Variants in ARMC10 observed in about 807,000 individuals in gnomAD.
ARMC10 encodes armadillo repeat-containing protein 10.
ARMC10 carries 23 observed loss-of-function variants against 30.2 expected under a neutral mutation model. That is an observed-to-expected ratio of 0.76 (90% confidence interval 0.55 to 1.08). The LOEUF (loss-of-function observed/expected upper bound fraction) is 1.08, where lower values mean the gene tolerates loss of function less well. ARMC10 is among the 50% of genes least tolerant of loss of function. The pLI is 0.00. For missense variants in ARMC10, 303 were observed against 413.7 expected, an observed-to-expected ratio of 0.73 and a Z score of 2.32; for synonymous variants, 111 against 164.4, an observed-to-expected ratio of 0.68 and a Z score of 2.48.
At chr7:103,084,635 G>A (rs553648385) in intron 3 of ARMC10, among the ~76,000 whole-genome samples, 4 of 152,258 alleles carry the variant, frequency 2.6e-5, no homozygotes, top group South Asian at 2.1e-4. Context: ...TTGATTTCAG[G>A]CACAACTGAG....
chr7:103,098,856 A>G lies in ARMC10; in HGVS notation c.*303A>G, dbSNP rs1179467747. 1 of 163,020 alleles carries G rather than the reference A, an allele frequency of 6.1e-6. No homozygotes were observed. The highest frequency in any genetic ancestry group is 2.5e-5 in the African/African-American group (1 of 40,356). 10.1% of individuals were successfully genotyped at this position (163,020 alleles called of 1,614,324 possible). On this transcript the variant is annotated 3_prime_UTR_variant, in exon 7 of 7. Transcript: ENST00000323716. The stretch of plus-strand genomic sequence containing the variant: ...TTTAAGCTACCCTTCTACCTTTTGA[A>G]GTGATTTGCAGTTACTCATCTGAGA...
chr7:103,080,089 C>T (rs1800242761), intron 2 of ARMC10, among the ~76,000 whole-genome samples: 1 of 152,136 alleles, frequency 6.6e-6, no homozygotes, highest in African/African-American at 2.4e-5. Flanking sequence ...GTCTTGTTGG[C>T]ACAGAGCTAG....
At position 103,092,478 on chromosome 7, in the gene ARMC10, T is replaced by A. The variant is rs765500096; in HGVS notation, c.530T>A (p.Ile177Lys). 6 of 1,572,698 alleles carry A rather than the reference T, an allele frequency of 3.8e-6. No homozygotes were observed. Among genetic ancestry groups the A allele is most frequent in the Non-Finnish European group, 1.7e-6 (2 of 1,149,052 alleles). ...VNVENQIKIKIYISQVCEDVF... is the reference protein window; with the variant it reads ...VNVENQIKIKKYISQVCEDVF... ...CTCATTTTCCTCCCCTGCCTTCAGA[T>A]ATACATCAGTCAAGTATGTGAGGAT... The change falls in exon 5 of 7, where the codon ATA (isoleucine) becomes AAA (lysine). Residue 177 changes from isoleucine (I) to lysine (K), a missense_variant and splice_region_variant. By Grantham distance (102) the Ile-to-Lys change is moderately radical (BLOSUM62 -3). Transcript: ENST00000323716.
At position 103,075,244 on chromosome 7, in the gene ARMC10, C is replaced by G. The variant is rs1020688458; in HGVS notation, c.-29C>G. 10 of 1,167,392 alleles carry G rather than the reference C, an allele frequency of 8.6e-6. No homozygotes were observed. Among genetic ancestry groups the G allele is most frequent in the Non-Finnish European group, 1.1e-5 (10 of 946,740 alleles). The allele number at this position is 1,167,392 out of a possible 1,614,324, so 72.3% of individuals were successfully genotyped here. ...CCCCCGCGAGCCTCCTGCCCTGGCCCGGCGCTGCGGCTCTGCCGCGGCGGC... is the reference window on the plus strand; with the variant it reads ...CCCCCGCGAGCCTCCTGCCCTGGCCGGGCGCTGCGGCTCTGCCGCGGCGGC... On this transcript the variant is annotated 5_prime_UTR_variant, in exon 1 of 7. Transcript: ENST00000323716.
intron 2 of ARMC10, among the ~76,000 whole-genome samples, chr7:103,077,016 C>G (rs370760019): frequency 6.6e-6 from 1 of 152,100 alleles, no homozygotes; most frequent in African/African-American, 2.4e-5. Flanking sequence ...CCCACCTCAC[C>G]CCACTAAGTA....
At chr7:103,085,606 C>CTTTTTTTTTTTTTTT (rs10581217) in intron 3 of ARMC10, among the ~76,000 whole-genome samples, 10 of 130,586 alleles carry the variant, frequency 7.7e-5, no homozygotes, top group African/African-American at 2.8e-4. Flanking sequence ...CATTTCTCTT[C>CTTTTTTTTTTTTTTT]TTTTTTTTTT....
rs1554528755 is a variant in ARMC10 at position 103,095,946 on chromosome 7, A to AG, written c.706-1325dup. Reference sequence around the variant, plus strand: ...CTGGGGACTGTTGTGGGGTGGGGGGAGGGGGGAGGGATAGCATTGGGAGAT... The same window carrying AG: ...CTGGGGACTGTTGTGGGGTGGGGGGAGGGGGGGAGGGATAGCATTGGGAGAT... On this transcript the variant is annotated intron_variant, in intron 5 of 6. Coordinates refer to ENST00000323716, the MANE Select transcript of ARMC10 (RefSeq NM_031905.5). 3 of 115,452 alleles carry AG rather than the reference A, an allele frequency of 2.6e-5. No homozygotes were observed. The East Asian group carries it at 7.4e-4, about 28-fold the overall frequency. The allele number at this position is 115,452 out of a possible 1,614,324, so 7.2% of individuals were successfully genotyped here.
intron 5 of ARMC10, among the ~76,000 whole-genome samples, chr7:103,093,004 A>G (rs1801483327): frequency 6.6e-6 from 1 of 152,192 alleles, no homozygotes; most frequent in Admixed American, 6.5e-5. Flanking sequence ...TTATTTGTTG[A>G]AAAATATTTC....
At chr7:103,091,425 A>G (rs1801313893) in intron 4 of ARMC10, among the ~76,000 whole-genome samples, 1 of 152,204 alleles carries the variant, frequency 6.6e-6, no homozygotes, top group East Asian at 1.9e-4. Context: ...GTATGATACA[A>G]GAGTACTACA....
intron 5 of ARMC10, among the ~76,000 whole-genome samples, chr7:103,093,203 A>C (rs1801499560): frequency 6.6e-6 from 1 of 152,216 alleles, no homozygotes; most frequent in East Asian, 1.9e-4. Context: ...ATTCTTATCA[A>C]TTGCCATTTT....
chr7:103,086,507 A>T (rs1563323141), intron 3 of ARMC10, 123 bp from the exon 4 acceptor site: 1 of 1,048,878 alleles, frequency 9.5e-7, no homozygotes, highest in African/African-American at 1.7e-5. Flanking sequence ...ATATTTGTAT[A>T]TGGGAAAGAG....
At chr7:103,093,318 G>C (rs1801508592) in intron 5 of ARMC10, among the ~76,000 whole-genome samples, 1 of 152,168 alleles carries the variant, frequency 6.6e-6, no homozygotes, top group Admixed American at 6.5e-5. Context: ...TGTGTTCTCT[G>C]GAACAGTTGA....
intron 2 of ARMC10, among the ~76,000 whole-genome samples, chr7:103,078,282 T>C (rs1205623885): frequency 6.6e-6 from 1 of 152,176 alleles, no homozygotes; most frequent in Non-Finnish European, 1.5e-5. Context: ...CCAAATGTTA[T>C]CTTGAATTGT....
intron 3 of ARMC10, chr7:103,084,131 A>C: frequency 9.9e-7 from 1 of 1,005,180 alleles, no homozygotes; most frequent in Non-Finnish European, 1.4e-6. Context: ...GCAGTGCTTC[A>C]GTAAAACAAT....
rs1459758401 is a variant in ARMC10, at chr7:103,075,320, C to G, written c.48C>G (p.Leu16=). ...GCTGGGTGGCGGCGGGCCTGCTGCT[C>G]GGCGCGGGCGCCTGCTACTGCATTT... is the stretch of plus-strand genomic sequence containing the variant. ...GAGWVAAGLL[L]GAGACYCIYR... The change falls in exon 1 of 7, where the codon CTC becomes CTG. Residue 16 remains leucine (L), a synonymous_variant. Coordinates refer to ENST00000323716, the MANE Select transcript of ARMC10 (RefSeq NM_031905.5). 4.0e-6 allele frequency: 5 copies of G among 1,239,392 alleles called. No individual in the cohort carries two copies. The highest frequency in any genetic ancestry group is 4.2e-5 in the Admixed American group (1 of 23,868). The allele number at this position is 1,239,392 out of a possible 1,614,324, so 76.8% of individuals were successfully genotyped here. A position where few individuals can be genotyped will look rare whatever the true frequency, so the allele number is the denominator to read the frequency against.
Position 103,092,590 on chromosome 7 carries a change from C to T in ARMC10, c.642C>T (p.His214=), listed in dbSNP as rs140592173. The T allele has an allele frequency of 6.2e-6, 10 of 1,608,628 alleles. No homozygotes were observed. The highest frequency in any genetic ancestry group is 1.7e-5 in the Admixed American group (1 of 59,940). The change falls in exon 5 of 7, where the codon CAC becomes CAT. Residue 214 remains histidine (H), a synonymous_variant. Coordinates refer to ENST00000323716, the MANE Select transcript of ARMC10 (RefSeq NM_031905.5). ...TNMTVTNDHQ[H]MLHSYITDLF... is the part of the protein sequence containing the mutation. ...TGACTGTTACCAATGACCACCAGCA[C>T]ATGCTTCACAGTTACATTACAGACC...
In ARMC10 at chr7:103,099,155, G is replaced by C. The variant is rs1265175168; in HGVS notation, c.*602G>C. The C allele has an allele frequency of 6.9e-6, 1 of 144,334 alleles. No individual in the cohort carries two copies. The highest frequency in any genetic ancestry group is 1.5e-5 in the Non-Finnish European group (1 of 65,686). 8.9% of individuals were successfully genotyped at this position (144,334 alleles called of 1,614,324 possible). A position where few individuals can be genotyped will look rare whatever the true frequency, so the allele number is the denominator to read the frequency against. On this transcript the variant is annotated 3_prime_UTR_variant, in exon 7 of 7. Coordinates refer to ENST00000323716, the MANE Select transcript of ARMC10 (RefSeq NM_031905.5). ...TCACAATGTCCATCTTTAGACAGTT[G>C]GTTAAATAAATTATCTGGTCTTTGA... is the stretch of plus-strand genomic sequence containing the variant.
chr7:103,090,762 G>C (rs977941608), intron 4 of ARMC10, among the ~76,000 whole-genome samples: 1 of 147,746 alleles, frequency 6.8e-6, no homozygotes, highest in Non-Finnish European at 1.5e-5. Flanking sequence ...GCTGGGCATA[G>C]TGGCATGCAT....
At chr7:103,082,734 C>T (rs1357894798) in intron 2 of ARMC10, among the ~76,000 whole-genome samples, 2 of 152,118 alleles carry the variant, frequency 1.3e-5, no homozygotes, top group African/African-American at 2.4e-5. Flanking sequence ...CCCCACCACC[C>T]CAGTAAGAGT....
Sources: gnomAD v4.1 joint callset for allele counts (sites outside exome capture counted in the v4.1 genomes callset) on GRCh38, gnomAD v4.1.1 for gene constraint, MANE v1.5 for transcripts, NCBI Gene and HGNC (gene_info 2026-07-23, HGNC 2026-07-21) for gene names.